The following DPYSL2 variants were observed in gnomAD, a reference collection of about 807,000 sequenced individuals.
The protein encoded by DPYSL2 is dihydropyrimidinase-related protein 2.
In DPYSL2, 13 loss-of-function variants were observed where a neutral mutation model predicts 69.9. The observed-to-expected ratio is 0.19, with a 90% CI of 0.12 to 0.30. DPYSL2 has a LOEUF of 0.30. DPYSL2 is among the 10% of genes least tolerant of loss of function. The pLI is 1.00. For missense variants in DPYSL2, 587 were observed against 918.9 expected (o/e 0.64, Z 4.67); for synonymous variants, 326 against 359.1 (o/e 0.91, Z 1.04).
intron 1 of DPYSL2, among the ~76,000 whole-genome samples, chr8:26,561,335 TC>T (rs1404052234): frequency 6.6e-6 from 1 of 152,180 alleles, no homozygotes; most frequent in Non-Finnish European, 1.5e-5. Flanking sequence ...CCCTCTCCTC[TC>T]CATCTTTACC....
intron 1 of DPYSL2, among the ~76,000 whole-genome samples, chr8:26,568,313 C>T (rs190903895): frequency 1.2e-4 from 18 of 152,270 alleles, no homozygotes; most frequent in African/African-American, 2.6e-4. Flanking sequence ...TAAAGCATCA[C>T]GTGCCATTCA....
intron 1 of DPYSL2, among the ~76,000 whole-genome samples, chr8:26,541,811 G>A (rs980598144): frequency 6.6e-6 from 1 of 152,034 alleles, no homozygotes; most frequent in African/African-American, 2.4e-5. Context: ...AGATACACAA[G>A]AGATGAAAAA....
intron 1 of DPYSL2, among the ~76,000 whole-genome samples, chr8:26,570,633 C>T (rs1312754332): frequency 2.0e-5 from 3 of 150,056 alleles, no homozygotes; most frequent in African/African-American, 7.3e-5. Flanking sequence ...ACTTGAGAGG[C>T]TGAGGCATGA....
Position 26,535,633 on chromosome 8 carries a change from A to AT in DPYSL2, c.354+20955dup, listed in dbSNP as rs1408347228. Among the ~76,000 whole-genome samples, 1,059 of 149,958 alleles carry AT rather than the reference A, an allele frequency of 7.1e-3. 7 individuals carry two copies. Among genetic ancestry groups the AT allele is most frequent in the African/African-American group, 0.023 (937 of 40,340 alleles). The stretch of plus-strand genomic sequence containing the variant: ...AACAGACTGATATATATATATATAT[A>AT]TATTTTTTTTTTCAGTGTAGGGAGC... On this transcript the variant is annotated intron_variant, in intron 1 of 13. Coordinates refer to ENST00000521913, the MANE Select transcript of DPYSL2 (RefSeq NM_001197293.3).
intron 7 of DPYSL2, among the ~76,000 whole-genome samples, chr8:26,629,888 C>T (rs1808892): frequency 0.49 from 75,067 of 152,158 alleles, 19,934 homozygotes; most frequent in East Asian, 0.68. Context: ...TGAGCCACCG[C>T]GCCCGGCCGA....
rs759567123 is a variant in DPYSL2, at chr8:26,644,308, C to A, written c.1425+217C>A. 3.3e-5 allele frequency among the ~76,000 whole-genome samples: 5 copies of A among 152,160 alleles called. No homozygotes were observed. The highest frequency in any genetic ancestry group is 5.9e-5 in the Non-Finnish European group (4 of 67,988). Reference sequence around the variant, plus strand: ...ATTACATATATATTTCTTTTTAAAACAATTTTTAAATTTTTTTCAGACAAG... The same window carrying A: ...ATTACATATATATTTCTTTTTAAAAAAATTTTTAAATTTTTTTCAGACAAG... On this transcript the variant is annotated intron_variant, in intron 10 of 13. Transcript: ENST00000521913. This position sits in a 1 kb window ranked among gnomAD's most constrained non-coding sequence, Gnocchi z 4.5.
intron 1 of DPYSL2, among the ~76,000 whole-genome samples, chr8:26,543,453 G>A (rs1381875186): frequency 1.3e-5 from 2 of 151,212 alleles, no homozygotes; most frequent in Non-Finnish European, 2.9e-5. Flanking sequence ...ATTATAAGAA[G>A]ATATTTATGA....
rs1801786651 is a variant in DPYSL2, at chr8:26,593,440, C to G, written c.628+9457C>G. ...CTGTTGAAACCGAATGAATGTCTGCCAAGATTTTCCGAAACCCAGAGCTGC... is the reference window on the plus strand; with the variant it reads ...CTGTTGAAACCGAATGAATGTCTGCGAAGATTTTCCGAAACCCAGAGCTGC... On this transcript the variant is annotated intron_variant, in intron 3 of 13. Coordinates refer to ENST00000521913, the MANE Select transcript of DPYSL2 (RefSeq NM_001197293.3). The surrounding 1 kb of genome is among the most constrained non-coding windows in gnomAD (Gnocchi z 5.7). 1.3e-5 allele frequency among the ~76,000 whole-genome samples: 2 copies of G among 152,140 alleles called. No homozygotes were observed. The highest frequency in any genetic ancestry group is 6.5e-5 in the Admixed American group (1 of 15,268).
intron 3 of DPYSL2, among the ~76,000 whole-genome samples, chr8:26,596,728 T>G (rs886677459): frequency 6.6e-6 from 1 of 152,254 alleles, no homozygotes. Flanking sequence ...GTGAAATGAC[T>G]TGCCTGAAGC....
At chr8:26,544,835 A>G (rs1220075048) in intron 1 of DPYSL2, among the ~76,000 whole-genome samples, 1 of 152,238 alleles carries the variant, frequency 6.6e-6, no homozygotes, top group Admixed American at 6.5e-5. Context: ...GCAAATAGTA[A>G]CCAAAAGAAA....
chr8:26,588,287 T>C lies in DPYSL2; in HGVS notation c.628+4304T>C, dbSNP rs1164554596. ...CTGTCTAGGCGTGGCTGGCGGACTG[T>C]GTGCTTTGTGTGTTGCTTCTGGGGG... On this transcript the variant is annotated intron_variant, in intron 3 of 13. Coordinates refer to ENST00000521913, the MANE Select transcript of DPYSL2 (RefSeq NM_001197293.3). The surrounding 1 kb of genome is among the most constrained non-coding windows in gnomAD (Gnocchi z 5.4). Among the ~76,000 whole-genome samples, 2 of 152,122 alleles carry C rather than the reference T, an allele frequency of 1.3e-5. No homozygotes were observed. Among genetic ancestry groups the C allele is most frequent in the Non-Finnish European group, 2.9e-5 (2 of 68,008 alleles).
intron 7 of DPYSL2, among the ~76,000 whole-genome samples, chr8:26,631,355 T>C (rs1585560202): frequency 1.3e-5 from 2 of 151,914 alleles, no homozygotes; most frequent in Admixed American, 1.3e-4. Context: ...AGAGAGCGAG[T>C]GAGCAGAAGG....
rs554328181 is a variant in DPYSL2 at position 26,622,649 on chromosome 8, T to C, written c.629-1494T>C. Among the ~76,000 whole-genome samples the C allele has an allele frequency of 1.4e-3, 208 of 152,168 alleles. 1 individual carries two copies. The highest frequency in any genetic ancestry group is 4.8e-3 in the African/African-American group (200 of 41,536). ...TCCCAAGTAGCTGGGACTACAGGCA[T>C]GTGTCACCATGGCCAGCTAATTTTT... On this transcript the variant is annotated intron_variant, in intron 3 of 13. Coordinates refer to ENST00000521913, the MANE Select transcript of DPYSL2 (RefSeq NM_001197293.3).
rs967540370 is a variant in DPYSL2, at chr8:26,533,837, G to A, written c.354+19158G>A. ...TTGCAAGAAGTGACGTGCTGCTGCG[G>A]TGGCAGGGACTGATGGGGGAACCCA... is the stretch of plus-strand genomic sequence containing the variant. On this transcript the variant is annotated intron_variant, in intron 1 of 13. Transcript: ENST00000521913. This position sits in a 1 kb window ranked among gnomAD's most constrained non-coding sequence, Gnocchi z 4.8. Among the ~76,000 whole-genome samples the A allele has an allele frequency of 6.6e-6, 1 of 152,264 alleles. No homozygotes were observed. The highest frequency in any genetic ancestry group is 2.4e-5 in the African/African-American group (1 of 41,472).
chr8:26,538,506 C>G (rs779194208), intron 1 of DPYSL2, among the ~76,000 whole-genome samples: 1 of 152,142 alleles, frequency 6.6e-6, no homozygotes, highest in Non-Finnish European at 1.5e-5. Context: ...CTCAGTGGTC[C>G]TCATCACTGC....
In DPYSL2 at chr8:26,653,110, C is replaced by G; in HGVS notation, c.1777-122C>G. 2.4e-6 allele frequency: 3 copies of G among 1,228,306 alleles called. No homozygotes were observed. Among genetic ancestry groups the G allele is most frequent in the South Asian group, 3.0e-5 (2 of 66,648 alleles). The allele number at this position is 1,228,306 out of a possible 1,614,324, so 76.1% of individuals were successfully genotyped here. ...CTGGCCCCACACAACACCTGTCCACCTGTCTGTAAGGAGAGCCCTCCATCC... is the reference window on the plus strand; with the variant it reads ...CTGGCCCCACACAACACCTGTCCACGTGTCTGTAAGGAGAGCCCTCCATCC... On this transcript the variant is annotated intron_variant, in intron 12 of 13. Coordinates refer to ENST00000521913, the MANE Select transcript of DPYSL2 (RefSeq NM_001197293.3). This position sits in a 1 kb window ranked among gnomAD's most constrained non-coding sequence, Gnocchi z 5.7.
At chr8:26,552,514 C>T (rs1800886969) in intron 1 of DPYSL2, among the ~76,000 whole-genome samples, 1 of 152,100 alleles carries the variant, frequency 6.6e-6, no homozygotes, top group Admixed American at 6.6e-5. Context: ...TAAATGAGTA[C>T]CTGAGACTGG....
chr8:26,655,592 C>A (rs1401179431), intron 13 of DPYSL2, 23 bp from the exon 14 acceptor site: 2 of 1,586,092 alleles, frequency 1.3e-6, no homozygotes, highest in East Asian at 2.3e-5. Context: ...CTCACCCGCT[C>A]CTCTCTTCTC....
At position 26,564,299 on chromosome 8, in the gene DPYSL2, T is replaced by C. The variant is rs1196321683; in HGVS notation, c.355-17670T>C. Among the ~76,000 whole-genome samples, 1 of 152,104 alleles carries C rather than the reference T, an allele frequency of 6.6e-6. No individual in the cohort carries two copies. Among genetic ancestry groups the C allele is most frequent in the African/African-American group, 2.4e-5 (1 of 41,400 alleles). On this transcript the variant is annotated intron_variant, in intron 1 of 13. Coordinates refer to ENST00000521913, the MANE Select transcript of DPYSL2 (RefSeq NM_001197293.3). The surrounding 1 kb of genome is among the most constrained non-coding windows in gnomAD (Gnocchi z 4.8). ...GGAGGCCAGGAGTGTACGCTACCCA[T>C]TCCTGAAGCTTAACCATGTAGGAAC...
Sources: allele counts gnomAD v4.1 joint callset (sites outside exome capture counted in the v4.1 genomes callset), GRCh38; gene constraint gnomAD v4.1.1; non-coding constraint Gnocchi (gnomAD v3.1); transcripts MANE v1.5; gene names NCBI Gene and HGNC (gene_info 2026-07-23, HGNC 2026-07-21).